Variants in IQCM observed in about 807,000 individuals in gnomAD.
IQCM encodes IQ motif containing M, also known as IQ domain-containing protein M.
A neutral mutation model predicts 57.6 loss-of-function variants in IQCM; 45 were observed. The observed-to-expected ratio is 0.78, with a 90% confidence interval of 0.62 to 1.00. The LOEUF (loss-of-function observed/expected upper bound fraction) is 1.00. Among genes scored for constraint, IQCM ranks in the 50% least tolerant of loss-of-function variants. The pLI, the probability that IQCM is intolerant of heterozygous loss-of-function variation, is 0.00. For missense variants in IQCM, 468 were observed against 511.6 expected (o/e 0.91, Z 0.82); for synonymous variants, 148 against 158.9 (o/e 0.93, Z 0.51).
chr4:149,507,055 T>C (rs905058193), intron 12 of IQCM, among the ~76,000 whole-genome samples: 1 of 152,152 alleles, frequency 6.6e-6, no homozygotes, highest in Non-Finnish European at 1.5e-5. Flanking sequence ...GGTTTTAAAA[T>C]GGGAGTTTTC....
At chr4:149,563,587 CA>C (rs564606351) in intron 10 of IQCM, 104 bp downstream of exon 10, 7,942 of 705,630 alleles carry the variant, frequency 0.011, no homozygotes, top group Non-Finnish European at 0.012. Flanking sequence ...ACTCTATCTC[CA>C]AAAAAAAAAG....
intron 9 of IQCM, among the ~76,000 whole-genome samples, chr4:149,581,049 G>C (rs1752131512): frequency 6.6e-6 from 1 of 151,634 alleles, no homozygotes. Flanking sequence ...GTTAATAATA[G>C]AGTGTGTTAG....
intron 7 of IQCM, among the ~76,000 whole-genome samples, chr4:149,625,974 C>T (rs1272192324): frequency 6.6e-6 from 1 of 152,036 alleles, no homozygotes; most frequent in African/African-American, 2.4e-5. Flanking sequence ...TCTTTTCATA[C>T]TATGTTCTGT....
At chr4:149,464,209 G>A (rs1278909843) in intron 12 of IQCM, among the ~76,000 whole-genome samples, 1 of 152,160 alleles carries the variant, frequency 6.6e-6, no homozygotes, top group Non-Finnish European at 1.5e-5. Flanking sequence ...CGTAAGGGTT[G>A]TGCTGTGTAC....
At chr4:149,727,389 C>T (rs1349586490) in intron 5 of IQCM, among the ~76,000 whole-genome samples, 1 of 152,146 alleles carries the variant, frequency 6.6e-6, no homozygotes, top group Non-Finnish European at 1.5e-5. Flanking sequence ...AGTCATCCTT[C>T]ATGCTGTCTT....
At position 149,649,176 on chromosome 4, in the gene IQCM, C is replaced by T. The variant is rs112864361; in HGVS notation, c.566-27932G>A. On this transcript the variant is annotated intron_variant, in intron 7 of 13. Transcript: ENST00000636793. ...TCAGCAACAAAGAATCCTCCCACCC[C>T]ACCTGTTCAGAAAAGGACCCCTCCT... Among the ~76,000 whole-genome samples the T allele has an allele frequency of 2.0e-3, 301 of 152,102 alleles. 1 individual carries two copies. Among genetic ancestry groups the T allele is most frequent in the Non-Finnish European group, 3.0e-3 (206 of 67,984 alleles).
At chr4:149,559,296 T>C (rs1749895147) in intron 10 of IQCM, among the ~76,000 whole-genome samples, 3 of 152,206 alleles carry the variant, frequency 2.0e-5, no homozygotes, top group Non-Finnish European at 4.4e-5. Flanking sequence ...AGGCATCCGT[T>C]CTCAGACACC....
Position 149,467,833 on chromosome 4 carries a change from G to T in IQCM, c.1229-34276C>A, listed in dbSNP as rs9998031. On this transcript the variant is annotated intron_variant, in intron 12 of 13. Transcript: ENST00000636793. ...CAACTTCATTATTCTTCTGCCTTCA[G>T]ATCTAGTGTTGCTGCCTCCCATTGG... is the stretch of plus-strand genomic sequence containing the variant. Among the ~76,000 whole-genome samples the T allele has an allele frequency of 5.8e-3, 878 of 152,274 alleles. 9 individuals carry two copies. The highest frequency in any genetic ancestry group is 0.02 in the African/African-American group (836 of 41,566).
At chr4:149,721,024 T>G (rs993469532) in intron 5 of IQCM, among the ~76,000 whole-genome samples, 5 of 152,222 alleles carry the variant, frequency 3.3e-5, no homozygotes, top group African/African-American at 1.2e-4. Context: ...TAAAAACATT[T>G]TAGCATGTTT....
chr4:149,437,532 C>T (rs1032234785), intron 12 of IQCM, among the ~76,000 whole-genome samples: 8 of 151,918 alleles, frequency 5.3e-5, no homozygotes, highest in Non-Finnish European at 8.8e-5. Context: ...GCTTAATATT[C>T]AGGGTGGATG....
intron 8 of IQCM, among the ~76,000 whole-genome samples, chr4:149,602,415 T>C (rs1280369997): frequency 2.0e-5 from 3 of 152,178 alleles, no homozygotes; most frequent in Non-Finnish European, 4.4e-5. Flanking sequence ...ACATGACACA[T>C]ATTTCTGGTT....
At chr4:149,441,206 T>C (rs1265079514) in intron 12 of IQCM, among the ~76,000 whole-genome samples, 1 of 151,986 alleles carries the variant, frequency 6.6e-6, no homozygotes, top group Admixed American at 6.6e-5. Context: ...ACAGAAACAA[T>C]AAAATTAACA....
At chr4:149,537,555 G>A (rs750058614) in intron 12 of IQCM, among the ~76,000 whole-genome samples, 2 of 151,804 alleles carry the variant, frequency 1.3e-5, no homozygotes, top group Non-Finnish European at 2.9e-5. Context: ...AAAATATATT[G>A]GCTGAAAATT....
intron 13 of IQCM, among the ~76,000 whole-genome samples, chr4:149,357,231 C>A (rs2110890939): frequency 6.6e-6 from 1 of 152,254 alleles, no homozygotes; most frequent in Admixed American, 6.5e-5. Flanking sequence ...ATTTAATGCT[C>A]TTTATTTCCT....
At chr4:149,505,695 A>C (rs527390936) in intron 12 of IQCM, among the ~76,000 whole-genome samples, 20 of 152,324 alleles carry the variant, frequency 1.3e-4, no homozygotes, top group Admixed American at 1.3e-3. Flanking sequence ...TTTAGAGATC[A>C]TTCTAAAATG....
intron 12 of IQCM, among the ~76,000 whole-genome samples, chr4:149,523,815 A>T (rs1745897230): frequency 6.6e-6 from 1 of 152,148 alleles, no homozygotes; most frequent in Non-Finnish European, 1.5e-5. Flanking sequence ...GAATATTAAT[A>T]ATATAAAGAA....
intron 8 of IQCM, among the ~76,000 whole-genome samples, chr4:149,589,487 G>C (rs1752927002): frequency 6.6e-6 from 1 of 151,976 alleles, no homozygotes; most frequent in Non-Finnish European, 1.5e-5. Context: ...AAAATACTCA[G>C]CATTGACATA....
intron 2 of IQCM, among the ~76,000 whole-genome samples, chr4:149,797,042 A>C (rs1773174275): frequency 6.6e-6 from 1 of 152,124 alleles, no homozygotes; most frequent in South Asian, 2.1e-4. Flanking sequence ...CAATCCAGGA[A>C]AACATGATCT....
At chr4:149,801,862 T>G (rs778411597) in intron 2 of IQCM, among the ~76,000 whole-genome samples, 3 of 151,860 alleles carry the variant, frequency 2.0e-5, no homozygotes, top group African/African-American at 7.2e-5. Flanking sequence ...TCAAAAATAA[T>G]TATACATTTT....
Sources: gnomAD v4.1 joint callset for allele counts (sites outside exome capture counted in the v4.1 genomes callset) on GRCh38, gnomAD v4.1.1 for gene constraint, MANE v1.5 for transcripts, NCBI Gene and HGNC (gene_info 2026-07-23, HGNC 2026-07-21) for gene names.